The following NR2C1 variants were observed in gnomAD, a reference collection of about 807,000 sequenced individuals.
NR2C1 encodes the protein TR2 nuclear hormone receptor.
Under a neutral mutation model 74.8 loss-of-function variants are expected in NR2C1, and 33 were observed. The observed-to-expected ratio is 0.44, with a 90% CI of 0.33 to 0.59. The LOEUF (loss-of-function observed/expected upper bound fraction) is 0.59, where lower values mean the gene tolerates loss of function less well. NR2C1 is among the 20% of genes least tolerant of loss of function. The pLI, the probability that NR2C1 is intolerant of heterozygous loss-of-function variation, is 0.02. For synonymous variants in NR2C1, 225 were observed against 240.6 expected (o/e 0.94, Z 0.60); for missense variants, 568 against 715.6 (o/e 0.79, Z 2.35).
intron 12 of NR2C1, among the ~76,000 whole-genome samples, chr12:95,026,511 C>G (rs1009388325): frequency 6.6e-6 from 1 of 151,868 alleles, no homozygotes; most frequent in Non-Finnish European, 1.5e-5. Flanking sequence ...TTAAAAAGTA[C>G]TAAATGGAAA....
At chr12:95,072,441 C>G (rs1325214482) in intron 1 of NR2C1, among the ~76,000 whole-genome samples, 2 of 137,192 alleles carry the variant, frequency 1.5e-5, no homozygotes, top group African/African-American at 5.8e-5. Flanking sequence ...GACAGTGAGA[C>G]TCCCTCTCCC....
intron 7 of NR2C1, among the ~76,000 whole-genome samples, chr12:95,053,728 G>C (rs1257477156): frequency 1.5e-5 from 2 of 136,062 alleles, no homozygotes; most frequent in South Asian, 2.3e-4. Flanking sequence ...TCTGTCGCCA[G>C]GCTGGAGTGC....
chr12:95,053,681 G>GTTGTTTTTTT (rs764023645), intron 7 of NR2C1, among the ~76,000 whole-genome samples: 1 of 103,414 alleles, frequency 9.7e-6, no homozygotes, highest in Non-Finnish European at 1.9e-5. Context: ...TCTTTTTGGT[G>GTTGTTTTTTT]TTTTTTTTTT....
intron 7 of NR2C1, among the ~76,000 whole-genome samples, chr12:95,053,681 G>GTTTTTTTTTTTTTTTT (rs550069594): frequency 2.9e-5 from 3 of 103,414 alleles, no homozygotes; most frequent in African/African-American, 4.0e-5. Flanking sequence ...TCTTTTTGGT[G>GTTTTTTTTTTTTTTTT]TTTTTTTTTT....
intron 9 of NR2C1, among the ~76,000 whole-genome samples, chr12:95,041,661 C>A (rs1871544501): frequency 6.6e-6 from 1 of 152,040 alleles, no homozygotes; most frequent in African/African-American, 2.4e-5. Context: ...ACTGAAATGA[C>A]CAATAGTATC....
chr12:95,070,416 GCCA>G (rs1357316293), intron 1 of NR2C1, among the ~76,000 whole-genome samples: 1 of 152,132 alleles, frequency 6.6e-6, no homozygotes, highest in African/African-American at 2.4e-5. Flanking sequence ...ACAGGTATGA[GCCA>G]CCACACCTAG....
In NR2C1 at chr12:95,030,778, G is replaced by A. The variant is rs1320195242; in HGVS notation, c.1393+571C>T. 1.9e-6 allele frequency: 3 copies of A among 1,612,454 alleles called. No homozygotes were observed. In the African/African-American group the frequency reaches 4.0e-5, roughly 22 times the overall value. ...TTTCCCCATTTGTTGATGGGGCACTGTTTTGGGTAGTCATAAGCCATTCTA... is the reference window on the plus strand; with the variant it reads ...TTTCCCCATTTGTTGATGGGGCACTATTTTGGGTAGTCATAAGCCATTCTA... On this transcript the variant is annotated intron_variant, in intron 11 of 13. Coordinates refer to ENST00000333003, the MANE Select transcript of NR2C1 (RefSeq NM_003297.4).
chr12:95,037,246 T>C (rs1870959629), intron 10 of NR2C1, among the ~76,000 whole-genome samples: 1 of 152,246 alleles, frequency 6.6e-6, no homozygotes, highest in African/African-American at 2.4e-5. Flanking sequence ...CCACTATTCA[T>C]ATAGTCACTT....
At chr12:95,061,435 T>A (rs1017323815) in intron 3 of NR2C1, among the ~76,000 whole-genome samples, 1 of 152,226 alleles carries the variant, frequency 6.6e-6, no homozygotes, top group Non-Finnish European at 1.5e-5. Flanking sequence ...TCTGCAAATC[T>A]AAAACTATTC....
chr12:95,068,416 A>G (rs1876057727), intron 1 of NR2C1, among the ~76,000 whole-genome samples: 1 of 152,206 alleles, frequency 6.6e-6, no homozygotes, highest in Non-Finnish European at 1.5e-5. Flanking sequence ...AATTCAGCCC[A>G]TAACACTCAG....
intron 3 of NR2C1, among the ~76,000 whole-genome samples, chr12:95,061,412 T>C (rs1244437387): frequency 1.3e-5 from 2 of 152,246 alleles, no homozygotes; most frequent in African/African-American, 4.8e-5. Context: ...CTCTGTTCTA[T>C]ATGCTCAGTT....
At chr12:95,050,167 A>G (rs758491117) in intron 8 of NR2C1, among the ~76,000 whole-genome samples, 18 of 152,214 alleles carry the variant, frequency 1.2e-4, no homozygotes, top group Non-Finnish European at 2.4e-4. Flanking sequence ...TATTAGAATA[A>G]TAACAAACTA....
chr12:95,068,517 G>A (rs1876075567), intron 1 of NR2C1, among the ~76,000 whole-genome samples: 1 of 152,058 alleles, frequency 6.6e-6, no homozygotes, highest in Non-Finnish European at 1.5e-5. Context: ...CACTTGGACC[G>A]GCCCCGGTGG....
At chr12:95,055,461 A>T (rs1873691826) in intron 7 of NR2C1, among the ~76,000 whole-genome samples, 1 of 152,212 alleles carries the variant, frequency 6.6e-6, no homozygotes, top group Non-Finnish European at 1.5e-5. Context: ...AAACTGTAAG[A>T]TACTTTTATT....
chr12:95,025,818 AAAAC>A (rs575423850), intron 12 of NR2C1, among the ~76,000 whole-genome samples: 50 of 151,628 alleles, frequency 3.3e-4, no homozygotes, highest in African/African-American at 1.1e-3. Flanking sequence ...GGGTGTTACC[AAAAC>A]AAACAGCTTT....
intron 3 of NR2C1, 107 bp from the exon 4 acceptor site, chr12:95,060,091 G>T: frequency 1.1e-6 from 1 of 883,978 alleles, no homozygotes; most frequent in Non-Finnish European, 1.7e-6. Flanking sequence ...GTCTTGCTTT[G>T]TTGCTTTCTT....
intron 8 of NR2C1, 102 bp downstream of exon 8, chr12:95,051,660 G>C (rs1592763925): frequency 2.9e-6 from 3 of 1,031,998 alleles, no homozygotes; most frequent in Non-Finnish European, 4.1e-6. Context: ...ACCTGTATTT[G>C]TTTTCTGAAA....
intron 8 of NR2C1, 118 bp downstream of exon 8, chr12:95,051,644 T>A: frequency 1.2e-6 from 1 of 827,770 alleles, no homozygotes; most frequent in East Asian, 2.7e-5. Context: ...TGTATTTAGA[T>A]AATCAACCTG....
chr12:95,043,939 A>G (rs1228833210), intron 9 of NR2C1, among the ~76,000 whole-genome samples: 1 of 151,762 alleles, frequency 6.6e-6, no homozygotes, highest in African/African-American at 2.4e-5. Flanking sequence ...AATCTGTTCT[A>G]CATGCTCAAT....
Sources: allele counts gnomAD v4.1 joint callset (sites outside exome capture counted in the v4.1 genomes callset), GRCh38; gene constraint gnomAD v4.1.1; transcripts MANE v1.5; gene names NCBI Gene and HGNC (gene_info 2026-07-23, HGNC 2026-07-21).